The following PDE4D variants were observed in gnomAD, a reference collection of about 807,000 sequenced individuals.
The protein encoded by PDE4D is 3',5'-cyclic-AMP phosphodiesterase 4D.
PDE4D carries 24 observed loss-of-function variants against 87.4 expected under a neutral mutation model. That is an observed-to-expected ratio of 0.27 (90% CI 0.20 to 0.39). PDE4D has a LOEUF of 0.39. Ranked by LOEUF, PDE4D falls within the 10% of genes least tolerant of loss-of-function variation. The pLI is 1.00. For synonymous variants in PDE4D, 384 were observed against 383.2 expected (o/e 1.00, Z -0.02); for missense variants, 714 against 1,041.0 (o/e 0.69, Z 4.32).
chr5:59,584,440 G>A (rs1353970215), intron 1 of PDE4D, among the ~76,000 whole-genome samples: 1 of 152,160 alleles, frequency 6.6e-6, no homozygotes. Flanking sequence ...AGATTGGTAC[G>A]ACATGCAGTG....
chr5:59,425,228 G>T (rs1795020934), intron 1 of PDE4D, among the ~76,000 whole-genome samples: 1 of 152,086 alleles, frequency 6.6e-6, no homozygotes, highest in Admixed American at 6.6e-5. Flanking sequence ...AAAGGTAAAA[G>T]AAAGTATTTT....
In PDE4D at chr5:60,152,627, T is replaced by C. The variant is rs528205153; in HGVS notation, c.42+32930A>G. Among the ~76,000 whole-genome samples, 391 of 146,258 alleles carry C rather than the reference T, an allele frequency of 2.7e-3. 3 individuals carry two copies. The highest frequency in any genetic ancestry group is 9.5e-3 in the African/African-American group (373 of 39,220). On this transcript the variant is annotated intron_variant, in intron 2 of 16. Coordinates refer to the PDE4D transcript ENST00000502484. ...GAGATTGCACCACTGCACTCCAGCC[T>C]GGGTGACAGAGCAAGACTCTGTCTC...
intron 1 of PDE4D, among the ~76,000 whole-genome samples, chr5:59,251,499 T>A (rs1759927986): frequency 6.6e-6 from 1 of 152,166 alleles, no homozygotes; most frequent in African/African-American, 2.4e-5. Context: ...CCAGTCATAA[T>A]GGCTATTATT....
intron 5 of PDE4D, among the ~76,000 whole-genome samples, chr5:59,156,351 G>C (rs188841285): frequency 0.021 from 2,937 of 141,538 alleles, 170 homozygotes; most frequent in African/African-American, 0.073. Flanking sequence ...GTGTGTGTGT[G>C]TGTGTGTGTG....
At chr5:59,863,632 C>T (rs1746600027) in intron 1 of PDE4D, among the ~76,000 whole-genome samples, 1 of 152,092 alleles carries the variant, frequency 6.6e-6, no homozygotes, top group African/African-American at 2.4e-5. Flanking sequence ...GTTAATTCTC[C>T]AGCATTTATC....
chr5:59,825,870 T>C (rs1452356540), intron 1 of PDE4D, among the ~76,000 whole-genome samples: 2 of 152,154 alleles, frequency 1.3e-5, no homozygotes, highest in Middle Eastern at 3.2e-3. Flanking sequence ...GGACACTTAC[T>C]CAATTGTTCT....
At chr5:59,722,236 C>T (rs1461349943) in intron 1 of PDE4D, among the ~76,000 whole-genome samples, 1 of 152,164 alleles carries the variant, frequency 6.6e-6, no homozygotes, top group Non-Finnish European at 1.5e-5. Context: ...AAATGGCCTT[C>T]GTTTCTCGTC....
chr5:59,601,811 C>T (rs1583275811), intron 1 of PDE4D, among the ~76,000 whole-genome samples: 1 of 152,084 alleles, frequency 6.6e-6, no homozygotes, highest in Non-Finnish European at 1.5e-5. Context: ...TGTAAACTAG[C>T]TAACTTGTAC....
chr5:59,044,826 G>A (rs574342210), intron 5 of PDE4D, among the ~76,000 whole-genome samples: 5 of 152,210 alleles, frequency 3.3e-5, no homozygotes, highest in African/African-American at 9.6e-5. Context: ...ATTTTGTGAC[G>A]GTTTTCTTTT....
At chr5:60,149,293 C>A (rs547988950) in intron 2 of PDE4D, among the ~76,000 whole-genome samples, 4 of 152,096 alleles carry the variant, frequency 2.6e-5, no homozygotes, top group Non-Finnish European at 5.9e-5. Flanking sequence ...GACAAAGGCA[C>A]GGCAGAAAGC....
intron 5 of PDE4D, among the ~76,000 whole-genome samples, chr5:59,123,532 T>C (rs1396064563): frequency 1.3e-5 from 2 of 152,208 alleles, no homozygotes; most frequent in Non-Finnish European, 2.9e-5. Context: ...ATCAAAATAT[T>C]GATTTTAATA....
At chr5:59,831,591 G>T (rs906795248) in intron 1 of PDE4D, among the ~76,000 whole-genome samples, 1 of 152,034 alleles carries the variant, frequency 6.6e-6, no homozygotes, top group African/African-American at 2.4e-5. Context: ...GGGAAAACAG[G>T]CTTAGTGAGG....
intron 1 of PDE4D, among the ~76,000 whole-genome samples, chr5:59,509,278 T>G (rs992425759): frequency 3.3e-5 from 5 of 151,878 alleles, no homozygotes; most frequent in African/African-American, 7.2e-5. Context: ...AACCCAGTAA[T>G]GCATACACAA....
chr5:59,949,039 A>C (rs1030104243), intron 3 of PDE4D, among the ~76,000 whole-genome samples: 2 of 152,192 alleles, frequency 1.3e-5, no homozygotes, highest in Non-Finnish European at 2.9e-5. Flanking sequence ...GTGGCAGAGG[A>C]CTCAACCTTG....
chr5:60,145,282 C>T (rs1433392483), intron 2 of PDE4D, among the ~76,000 whole-genome samples: 1 of 152,100 alleles, frequency 6.6e-6, no homozygotes, highest in East Asian at 1.9e-4. Flanking sequence ...ATCTCTGAGC[C>T]CTCCATGTGG....
intron 3 of PDE4D, among the ~76,000 whole-genome samples, chr5:59,917,453 A>G (rs1754192412): frequency 6.6e-6 from 1 of 152,208 alleles, no homozygotes; most frequent in East Asian, 1.9e-4. Context: ...AAGGCAACTT[A>G]TTACTTAAGA....
chr5:59,993,700 A>G (rs1305729711), intron 2 of PDE4D, among the ~76,000 whole-genome samples: 2 of 152,110 alleles, frequency 1.3e-5, no homozygotes, highest in Admixed American at 6.6e-5. Flanking sequence ...CCTATAATAA[A>G]GATGTCTTGT....
chr5:60,022,321 A>T, intron 2 of PDE4D, among the ~76,000 whole-genome samples: 1 of 152,190 alleles, frequency 6.6e-6, no homozygotes. Context: ...TTCGAATAAC[A>T]ATAAAGTCAC....
intron 5 of PDE4D, among the ~76,000 whole-genome samples, chr5:59,169,206 CCA>C (rs1203949147): frequency 2.0e-5 from 3 of 152,094 alleles, no homozygotes; most frequent in African/African-American, 7.2e-5. Context: ...TTTTGCCCCA[CCA>C]CAGTCACTGT....
Sources: gnomAD v4.1 joint callset for allele counts (sites outside exome capture counted in the v4.1 genomes callset) on GRCh38, gnomAD v4.1.1 for gene constraint, MANE v1.5 for transcripts, NCBI Gene and HGNC (gene_info 2026-07-23, HGNC 2026-07-21) for gene names.